Variants in PCDH9 observed in about 807,000 individuals in gnomAD.
PCDH9 encodes the protein protocadherin 9, also known as protocadherin-9.
PCDH9 carries 24 observed loss-of-function variants against 70.6 expected under a neutral mutation model. The observed-to-expected ratio is 0.34, with a 90% CI of 0.25 to 0.48. PCDH9 has a LOEUF of 0.48. Among genes scored for constraint, PCDH9 ranks in the 20% least tolerant of loss-of-function variants. The pLI, the probability that PCDH9 is intolerant of heterozygous loss-of-function variation, is 0.99. For synonymous variants in PCDH9, 562 were observed against 558.5 expected, an observed-to-expected ratio of 1.01 and a Z score of -0.09; for missense variants, 1,281 against 1,503.6, an observed-to-expected ratio of 0.85 and a Z score of 2.45.
intron 2 of PCDH9, among the ~76,000 whole-genome samples, chr13:67,160,438 T>G (rs2087925130): frequency 6.6e-6 from 1 of 151,968 alleles, no homozygotes; most frequent in African/African-American, 2.4e-5. Flanking sequence ...TCCCAGCTAT[T>G]CGGGAGACTG....
intron 2 of PCDH9, among the ~76,000 whole-genome samples, chr13:67,010,363 C>T (rs2084430480): frequency 6.6e-6 from 1 of 151,950 alleles, no homozygotes; most frequent in African/African-American, 2.4e-5. Flanking sequence ...TATGTTGAGG[C>T]ACGGTGGGTG....
chr13:67,015,727 T>A (rs1594393977), intron 2 of PCDH9, among the ~76,000 whole-genome samples: 1 of 152,210 alleles, frequency 6.6e-6, no homozygotes, highest in Non-Finnish European at 1.5e-5. Context: ...GCTTTACATG[T>A]TAGTCCCAAC....
chr13:66,380,486 T>C (rs1362072014), intron 4 of PCDH9, among the ~76,000 whole-genome samples: 2 of 149,818 alleles, frequency 1.3e-5, no homozygotes, highest in African/African-American at 2.5e-5. Flanking sequence ...ATGAGTATAG[T>C]AGATTACACA....
intron 4 of PCDH9, among the ~76,000 whole-genome samples, chr13:66,431,649 C>G (rs1023368633): frequency 6.6e-6 from 1 of 151,984 alleles, no homozygotes; most frequent in Non-Finnish European, 1.5e-5. Flanking sequence ...CACATTGACA[C>G]AATGTCTGTC....
intron 4 of PCDH9, among the ~76,000 whole-genome samples, chr13:66,496,461 C>T (rs945692126): frequency 2.6e-5 from 4 of 152,152 alleles, no homozygotes; most frequent in Non-Finnish European, 4.4e-5. Flanking sequence ...AAGGTTGACA[C>T]TATGCCCCTA....
intron 3 of PCDH9, among the ~76,000 whole-genome samples, chr13:66,638,273 C>A (rs532638325): frequency 7.0e-4 from 106 of 152,260 alleles, no homozygotes; most frequent in South Asian, 3.1e-3. Context: ...GTCACCTTTT[C>A]ATAATGTCAT....
chr13:66,654,068 A>G (rs2138998546), intron 3 of PCDH9, among the ~76,000 whole-genome samples: 1 of 152,256 alleles, frequency 6.6e-6, no homozygotes, highest in South Asian at 2.1e-4. Context: ...AGGATCCAGG[A>G]TCAACCTGAA....
At chr13:66,628,924 T>C (rs1238173099) in intron 4 of PCDH9, among the ~76,000 whole-genome samples, 1 of 152,214 alleles carries the variant, frequency 6.6e-6, no homozygotes, top group Non-Finnish European at 1.5e-5. Flanking sequence ...TTTATCCTTA[T>C]AGCTATTAAA....
At chr13:66,965,021 T>C (rs1435441859) in intron 2 of PCDH9, among the ~76,000 whole-genome samples, 1 of 152,098 alleles carries the variant, frequency 6.6e-6, no homozygotes, top group East Asian at 1.9e-4. Flanking sequence ...TTTTAAACAT[T>C]TCTTTTTAGA....
At chr13:67,000,043 T>C (rs1329492540) in intron 2 of PCDH9, among the ~76,000 whole-genome samples, 2 of 152,146 alleles carry the variant, frequency 1.3e-5, no homozygotes, top group South Asian at 2.1e-4. Flanking sequence ...GTATGTTTAT[T>C]GCGGCACTAT....
At chr13:66,773,143 T>C (rs1175432735) in intron 3 of PCDH9, among the ~76,000 whole-genome samples, 1 of 152,148 alleles carries the variant, frequency 6.6e-6, no homozygotes, top group Non-Finnish European at 1.5e-5. Context: ...ACTGTTTCCA[T>C]CACATCAAAG....
chr13:66,547,546 T>C (rs1961263329), intron 4 of PCDH9, among the ~76,000 whole-genome samples: 4 of 152,162 alleles, frequency 2.6e-5, no homozygotes. Context: ...AGAACATTCT[T>C]ACATCCTGTC....
At chr13:66,760,558 C>A (rs1008206461) in intron 3 of PCDH9, among the ~76,000 whole-genome samples, 2 of 152,006 alleles carry the variant, frequency 1.3e-5, no homozygotes, top group Non-Finnish European at 2.9e-5. Context: ...ACCTCAGGAC[C>A]CTGTGATGAT....
intron 4 of PCDH9, among the ~76,000 whole-genome samples, chr13:66,347,673 C>G (rs79033560): frequency 6.6e-6 from 1 of 152,094 alleles, no homozygotes; most frequent in African/African-American, 2.4e-5. Context: ...TACCGGCCCT[C>G]CTGCCCAGCC....
At chr13:66,373,336 T>TG (rs781426015) in intron 4 of PCDH9, among the ~76,000 whole-genome samples, 7 of 151,820 alleles carry the variant, frequency 4.6e-5, no homozygotes, top group Admixed American at 3.3e-4. Flanking sequence ...GGTGGCGGGT[T>TG]GGGGGGTGAA....
intron 3 of PCDH9, among the ~76,000 whole-genome samples, chr13:66,826,983 A>T (rs2080835243): frequency 6.6e-6 from 1 of 152,222 alleles, no homozygotes; most frequent in African/African-American, 2.4e-5. Context: ...TGTAGATGTG[A>T]TTAAGAATCT....
intron 2 of PCDH9, among the ~76,000 whole-genome samples, chr13:67,160,541 C>A (rs1452253307): frequency 2.0e-5 from 3 of 148,468 alleles, no homozygotes; most frequent in Non-Finnish European, 1.5e-5. Flanking sequence ...AGCGAGACTC[C>A]GTCTCAAAAA....
intron 4 of PCDH9, among the ~76,000 whole-genome samples, chr13:66,555,660 T>G (rs1445829539): frequency 9.2e-6 from 1 of 109,058 alleles, no homozygotes. Context: ...TTTTCATTTT[T>G]TAGCCTCTAT....
chr13:66,473,719 C>G (rs1383689001), intron 4 of PCDH9, among the ~76,000 whole-genome samples: 4 of 152,124 alleles, frequency 2.6e-5, no homozygotes, highest in African/African-American at 9.7e-5. Flanking sequence ...CTAAAGCGAG[C>G]TAAAGCTCAA....
Sources: gnomAD v4.1 joint callset for allele counts (sites outside exome capture counted in the v4.1 genomes callset) on GRCh38, gnomAD v4.1.1 for gene constraint, MANE v1.5 for transcripts, NCBI Gene and HGNC (gene_info 2026-07-23, HGNC 2026-07-21) for gene names.